Variants in FEZ1 observed in about 807,000 individuals in gnomAD.
The protein encoded by FEZ1 is fasciculation and elongation protein zeta-1.
Under a neutral mutation model 49.3 loss-of-function variants are expected in FEZ1, and 20 were observed. The ratio of observed to expected loss-of-function variants is 0.41; its 90% CI spans 0.29 to 0.59. The LOEUF (loss-of-function observed/expected upper bound fraction) is 0.59. Among genes scored for constraint, FEZ1 ranks in the 20% least tolerant of loss-of-function variants. The probability of loss-of-function intolerance (pLI) is 0.36; values close to 1 mark genes in which losing one functional copy is unlikely to be tolerated. For synonymous variants in FEZ1, 170 were observed against 180.9 expected (o/e 0.94, Z 0.48); for missense variants, 413 against 476.0 (o/e 0.87, Z 1.23).
intron 4 of FEZ1, among the ~76,000 whole-genome samples, chr11:125,462,380 G>A (rs767823817): frequency 1.3e-4 from 20 of 152,160 alleles, no homozygotes; most frequent in Non-Finnish European, 2.6e-4. Context: ...TCACAAAGTC[G>A]AAGTGGCTCT....
At chr11:125,492,429 T>C (rs969118489) in intron 1 of FEZ1, among the ~76,000 whole-genome samples, 2 of 152,246 alleles carry the variant, frequency 1.3e-5, no homozygotes, top group South Asian at 4.1e-4. Context: ...GCCCACAGGC[T>C]TCTCCATACC....
Position 125,445,504 on chromosome 11 carries a change from G to A in FEZ1, c.*591C>T, listed in dbSNP as rs1237849365. Among the ~76,000 whole-genome samples the A allele has an allele frequency of 6.6e-6, 1 of 152,194 alleles. No homozygotes were observed. The highest frequency in any genetic ancestry group is 1.5e-5 in the Non-Finnish European group (1 of 68,038). The stretch of plus-strand genomic sequence containing the variant: ...GCTCCTTTCTGCAGCCCCTGGTGCA[G>A]CTCCCTTGCATGTGGCTGAGCAGCA... On this transcript the variant is annotated 3_prime_UTR_variant, in exon 10 of 10. Transcript: ENST00000278919. The surrounding 1 kb of genome is among the most constrained non-coding windows in gnomAD (Gnocchi z 4.4).
chr11:125,444,132 T>C lies in FEZ1; in HGVS notation c.*1963A>G, dbSNP rs1161291288. Among the ~76,000 whole-genome samples the C allele has an allele frequency of 6.6e-6, 1 of 152,044 alleles. No homozygotes were observed. Among genetic ancestry groups the C allele is most frequent in the Non-Finnish European group, 1.5e-5 (1 of 67,986 alleles). ...CCATGCCCTTTTATCACAGGACGAG[T>C]TGTCACTTCCATGCTCCTGTGGCAG... On this transcript the variant is annotated 3_prime_UTR_variant, in exon 10 of 10. Transcript: ENST00000278919.
In FEZ1 at chr11:125,489,322, C is replaced by A. The variant is rs1957358286; in HGVS notation, c.311+145G>T. On this transcript the variant is annotated intron_variant, in intron 2 of 9. Coordinates refer to ENST00000278919, the MANE Select transcript of FEZ1 (RefSeq NM_005103.5). This position sits in a 1 kb window ranked among gnomAD's most constrained non-coding sequence, Gnocchi z 4.2. Reference sequence around the variant, plus strand: ...AGGGACATATATAGAGCTATGACAGCAAGTACCAGGGCACTGCTCCGCTGG... The same window carrying A: ...AGGGACATATATAGAGCTATGACAGAAAGTACCAGGGCACTGCTCCGCTGG... The A allele has an allele frequency of 5.6e-6, 8 of 1,421,714 alleles. No homozygotes were observed. The East Asian group carries it at 2.0e-4, about 35-fold the overall frequency. The allele number at this position is 1,421,714 out of a possible 1,614,324, so 88.1% of individuals were successfully genotyped here.
Position 125,450,029 on chromosome 11 carries a change from GT to G in FEZ1, c.1097-1463del, listed in dbSNP as rs1383731186. On this transcript the variant is annotated intron_variant, in intron 8 of 9. Transcript: ENST00000278919. ...TCTAGGGGGTCCTGGTTTCTTCTGGGTTTTTTTTTTTTTTTGAGACGGAGTT... is the reference window on the plus strand; with the variant it reads ...TCTAGGGGGTCCTGGTTTCTTCTGGGTTTTTTTTTTTTTTGAGACGGAGTT... 3.8e-3 allele frequency among the ~76,000 whole-genome samples: 544 copies of G among 143,582 alleles called. 3 individuals are homozygous for G. Among genetic ancestry groups the G allele is most frequent in the Non-Finnish European group, 4.7e-3 (304 of 65,346 alleles). 94.2% of individuals were successfully genotyped at this position (143,582 alleles called of 152,430 possible). A position where few individuals can be genotyped will look rare whatever the true frequency, so the allele number is the denominator to read the frequency against.
chr11:125,450,842 CA>C (rs1298556101), intron 8 of FEZ1, among the ~76,000 whole-genome samples: 1 of 152,014 alleles, frequency 6.6e-6, no homozygotes, highest in Non-Finnish European at 1.5e-5. Flanking sequence ...TGAAAAGCAC[CA>C]AAATGGTAAC....
chr11:125,486,141 A>G (rs1487176792), intron 2 of FEZ1, among the ~76,000 whole-genome samples: 2 of 152,234 alleles, frequency 1.3e-5, no homozygotes, highest in African/African-American at 4.8e-5. Flanking sequence ...TGTCTTCAAC[A>G]TGTAGTATAT....
At chr11:125,474,100 C>T (rs1015865269) in intron 3 of FEZ1, among the ~76,000 whole-genome samples, 1 of 151,710 alleles carries the variant, frequency 6.6e-6, no homozygotes, top group African/African-American at 2.4e-5. Context: ...TCTCAACCCA[C>T]TGCAACCTCT....
intron 3 of FEZ1, among the ~76,000 whole-genome samples, chr11:125,467,065 G>T (rs1038146239): frequency 1.4e-5 from 2 of 146,878 alleles, no homozygotes; most frequent in Non-Finnish European, 1.5e-5. Context: ...ACAGGATCTC[G>T]CTGTGTCACA....
intron 3 of FEZ1, among the ~76,000 whole-genome samples, chr11:125,468,870 T>C (rs1591591894): frequency 6.6e-6 from 1 of 152,088 alleles, no homozygotes; most frequent in Non-Finnish European, 1.5e-5. Context: ...GACCCAAGTG[T>C]CTTCTTCCAA....
rs186481016 is a variant in FEZ1 at position 125,493,227 on chromosome 11, G to A, written c.-46+2894C>T. 6.1e-3 allele frequency among the ~76,000 whole-genome samples: 919 copies of A among 151,466 alleles called. 5 individuals carry two copies. The highest frequency in any genetic ancestry group is 0.021 in the African/African-American group (877 of 41,224). Reference sequence around the variant, plus strand: ...CAGGTGCCTGTAATCCCAGCTACTTGGGAGGCTGAGGCAGGAGAATCGCTT... The same window carrying A: ...CAGGTGCCTGTAATCCCAGCTACTTAGGAGGCTGAGGCAGGAGAATCGCTT... On this transcript the variant is annotated intron_variant, in intron 1 of 9. Transcript: ENST00000278919.
intron 8 of FEZ1, 78 bp from the exon 9 acceptor site, chr11:125,448,645 C>T: frequency 1.2e-6 from 1 of 862,106 alleles, no homozygotes; most frequent in Admixed American, 1.8e-5. Context: ...GACCCACCAG[C>T]CCAGAGTGAG....
Position 125,454,344 on chromosome 11 carries a change from T to C in FEZ1, c.940-134A>G, listed in dbSNP as rs73012067. The C allele has an allele frequency of 6.3e-4, 353 of 557,104 alleles. 1 individual carries two copies. Among genetic ancestry groups the C allele is most frequent in the Admixed American group, 2.9e-3 (84 of 28,608 alleles). The allele number at this position is 557,104 out of a possible 1,614,324, so 34.5% of individuals were successfully genotyped here. On this transcript the variant is annotated intron_variant, in intron 6 of 9. Coordinates refer to ENST00000278919, the MANE Select transcript of FEZ1 (RefSeq NM_005103.5). ...TGACTAGACAGTAAGTGTAAGACAC[T>C]GGCTTACAGAGACAGGCCAGAATTG... is the stretch of plus-strand genomic sequence containing the variant.
chr11:125,466,237 T>C (rs10893383), intron 3 of FEZ1, among the ~76,000 whole-genome samples: 52,535 of 151,896 alleles, frequency 0.35, 9,296 homozygotes, highest in South Asian at 0.5. Context: ...TCCCAGCACT[T>C]TGGGAGGCCG....
intron 8 of FEZ1, chr11:125,451,634 T>C (rs1273069226): frequency 6.6e-6 from 1 of 152,176 alleles, no homozygotes; most frequent in African/African-American, 2.4e-5. Flanking sequence ...CAGCCTAGGA[T>C]TTTTCTCGTC....
At position 125,495,377 on chromosome 11, in the gene FEZ1, G is replaced by A. The variant is rs1328396070; in HGVS notation, c.-46+744C>T. 2.1e-6 allele frequency: 1 copy of A among 470,618 alleles called. No homozygotes were observed. Among genetic ancestry groups the A allele is most frequent in the Non-Finnish European group, 4.4e-6 (1 of 226,750 alleles). The allele number at this position is 470,618 out of a possible 1,614,324, so 29.2% of individuals were successfully genotyped here. On this transcript the variant is annotated intron_variant, in intron 1 of 9. Transcript: ENST00000278919. The surrounding 1 kb of genome is among the most constrained non-coding windows in gnomAD (Gnocchi z 4.2). Reference sequence around the variant, plus strand: ...GGATAGGCAAAAGGGAAGAAGAGCGGGCTGTGATACCTCCTCGACGCCGTC... The same window carrying A: ...GGATAGGCAAAAGGGAAGAAGAGCGAGCTGTGATACCTCCTCGACGCCGTC...
rs1290648246 is a variant in FEZ1 at position 125,443,248 on chromosome 11, G to A, written c.*2847C>T. ...AGTTTTGCAATCAGGATTGACTCAG[G>A]CCTGAAAATCAGTTAATTCTTGGGA... is the stretch of plus-strand genomic sequence containing the variant. On this transcript the variant is annotated 3_prime_UTR_variant, in exon 10 of 10. Coordinates refer to ENST00000278919, the MANE Select transcript of FEZ1 (RefSeq NM_005103.5). 2.6e-5 allele frequency among the ~76,000 whole-genome samples: 4 copies of A among 152,146 alleles called. No individual in the cohort carries two copies. The East Asian group carries it at 5.8e-4, about 22-fold the overall frequency.
intron 7 of FEZ1, chr11:125,453,779 T>C (rs933758293): frequency 8.9e-5 from 15 of 168,758 alleles, no homozygotes; most frequent in Non-Finnish European, 1.5e-4. Flanking sequence ...GGTGATCCAG[T>C]GTGGTGGAAA....
At chr11:125,484,272 G>T (rs547555743) in intron 2 of FEZ1, among the ~76,000 whole-genome samples, 1 of 152,284 alleles carries the variant, frequency 6.6e-6, no homozygotes, top group South Asian at 2.1e-4. Context: ...ATACAAGGCA[G>T]ATGCTAATGA....
Sources: allele counts gnomAD v4.1 joint callset (sites outside exome capture counted in the v4.1 genomes callset), GRCh38; gene constraint gnomAD v4.1.1; non-coding constraint Gnocchi (gnomAD v3.1); transcripts MANE v1.5; gene names NCBI Gene and HGNC (gene_info 2026-07-23, HGNC 2026-07-21).